Variants in USP6NL observed in about 807,000 individuals in gnomAD.
USP6NL encodes USP6 N-terminal-like protein.
A neutral mutation model predicts 61.9 loss-of-function variants in USP6NL; 26 were observed. The ratio of observed to expected loss-of-function variants is 0.42; its 90% confidence interval spans 0.31 to 0.58. The LOEUF (loss-of-function observed/expected upper bound fraction) is 0.58, where lower values mean the gene tolerates loss of function less well. Ranked by LOEUF, USP6NL falls within the 20% of genes least tolerant of loss-of-function variation. The pLI is 0.16. For missense variants in USP6NL, 1,114 were observed against 1,034.3 expected (o/e 1.08, Z -1.06); for synonymous variants, 432 against 390.1 (o/e 1.11, Z -1.27).
intron 4 of USP6NL, among the ~76,000 whole-genome samples, chr10:11,523,108 T>C (rs763696465): frequency 6.6e-6 from 1 of 152,266 alleles, no homozygotes; most frequent in Non-Finnish European, 1.5e-5. Context: ...TTTGCACTTT[T>C]TCCCCACTAG....
Position 11,496,467 on chromosome 10 carries a change from T to C in USP6NL, c.385-3239A>G, listed in dbSNP as rs1275869362. Among the ~76,000 whole-genome samples the C allele has an allele frequency of 6.6e-6, 1 of 152,220 alleles. No individual in the cohort carries two copies. Among genetic ancestry groups the C allele is most frequent in the Non-Finnish European group, 1.5e-5 (1 of 68,032 alleles). Reference sequence around the variant, plus strand: ...CCAAAACTGGTAGCTGTTAAGCATCTCCCATTTTCTTATTTCTGTGGGTTT... The same window carrying C: ...CCAAAACTGGTAGCTGTTAAGCATCCCCCATTTTCTTATTTCTGTGGGTTT... On this transcript the variant is annotated intron_variant, in intron 7 of 14. Coordinates refer to ENST00000609104, the MANE Select transcript of USP6NL (RefSeq NM_014688.5). This position sits in a 1 kb window ranked among gnomAD's most constrained non-coding sequence, Gnocchi z 5.4.
rs1838002245 is a variant in USP6NL at position 11,587,190 on chromosome 10, T to C, written c.4+10441A>G. On this transcript the variant is annotated intron_variant, in intron 2 of 14. Coordinates refer to ENST00000609104, the MANE Select transcript of USP6NL (RefSeq NM_014688.5). This position sits in a 1 kb window ranked among gnomAD's most constrained non-coding sequence, Gnocchi z 4.5. ...TACATATGTAGGGGCTCATTAAGTA[T>C]CTGTTTATACTAAAATTAAAACAAT... Among the ~76,000 whole-genome samples, 1 of 152,232 alleles carries C rather than the reference T, an allele frequency of 6.6e-6. No homozygotes were observed. Among genetic ancestry groups the C allele is most frequent in the African/African-American group, 2.4e-5 (1 of 41,452 alleles).
At chr10:11,567,875 C>A (rs1236622310) in intron 2 of USP6NL, among the ~76,000 whole-genome samples, 3 of 152,144 alleles carry the variant, frequency 2.0e-5, no homozygotes, top group Non-Finnish European at 2.9e-5. Flanking sequence ...GATAAAGAAT[C>A]TAGTGTACAG....
Position 11,465,654 on chromosome 10 carries a change from G to A in USP6NL, c.1079-1805C>T, listed in dbSNP as rs1832419707. 6.6e-6 allele frequency among the ~76,000 whole-genome samples: 1 copy of A among 152,188 alleles called. No homozygotes were observed. Among genetic ancestry groups the A allele is most frequent in the Non-Finnish European group, 1.5e-5 (1 of 68,038 alleles). On this transcript the variant is annotated intron_variant, in intron 14 of 14. Coordinates refer to ENST00000609104, the MANE Select transcript of USP6NL (RefSeq NM_014688.5). The surrounding 1 kb of genome is among the most constrained non-coding windows in gnomAD (Gnocchi z 4.5). ...GTACGTGCTCTCCCCACACCGTGCT[G>A]GCAGCGGAAGCACCCAAGCTGCTCT... is the stretch of plus-strand genomic sequence containing the variant.
At chr10:11,608,060 T>C (rs934747461) in intron 1 of USP6NL, among the ~76,000 whole-genome samples, 6 of 152,196 alleles carry the variant, frequency 3.9e-5, no homozygotes. Flanking sequence ...ATTTGTATTT[T>C]AGGGTGGATT....
At chr10:11,502,857 T>C (rs776281191) in intron 6 of USP6NL, among the ~76,000 whole-genome samples, 2 of 152,196 alleles carry the variant, frequency 1.3e-5, no homozygotes, top group Non-Finnish European at 2.9e-5. Context: ...TTTCAGTAGA[T>C]AGTGACTACA....
intron 2 of USP6NL, among the ~76,000 whole-genome samples, chr10:11,571,523 G>C (rs17150565): frequency 0.029 from 4,333 of 151,874 alleles, 149 homozygotes; most frequent in African/African-American, 0.083. Context: ...GATACTTCTA[G>C]GATAATTTTC....
At chr10:11,469,251 C>T (rs1832620344) in intron 14 of USP6NL, among the ~76,000 whole-genome samples, 1 of 152,204 alleles carries the variant, frequency 6.6e-6, no homozygotes, top group Admixed American at 6.5e-5. Context: ...CTATAACCTA[C>T]TTACTTCTTT....
In USP6NL at chr10:11,489,184, A is replaced by C. The variant is rs905395777; in HGVS notation, c.582T>G (p.Ala194=). 3.1e-6 allele frequency: 5 copies of C among 1,613,858 alleles called. No homozygotes were observed. In the African/African-American group the frequency reaches 6.7e-5, roughly 22 times the overall value. ...GYCQGMSQIT[A]LLLMYMNEED... ...CCTCGTTCATATACATGAGGAGTAAAGCTGTGATCTGGCTCATCCCCTGAC... is the reference window on the plus strand; with the variant it reads ...CCTCGTTCATATACATGAGGAGTAACGCTGTGATCTGGCTCATCCCCTGAC... The change falls in exon 10 of 15, where the codon GCT becomes GCG. Residue 194 remains alanine (A), a synonymous_variant. Transcript: ENST00000609104. This position sits in a 1 kb window ranked among gnomAD's most constrained non-coding sequence, Gnocchi z 5.7.
chr10:11,477,427 G>A (rs1833015444), intron 14 of USP6NL, among the ~76,000 whole-genome samples: 1 of 152,046 alleles, frequency 6.6e-6, no homozygotes, highest in African/African-American at 2.4e-5. Flanking sequence ...AGCTTTCTAG[G>A]AAAATATAAA....
Position 11,489,282 on chromosome 10 carries a change from C to G in USP6NL, c.544-60G>C, listed in dbSNP as rs151171048. The G allele has an allele frequency of 3.5e-4, 559 of 1,587,482 alleles. No homozygotes were observed. The African/African-American group carries it at 5.8e-3, about 16-fold the overall frequency. ...TTCAGTCGAATTACATGCATATGTA[C>G]AGAGAAAAAGCTACTCTATAAAAAC... On this transcript the variant is annotated intron_variant, in intron 9 of 14. Coordinates refer to ENST00000609104, the MANE Select transcript of USP6NL (RefSeq NM_014688.5). This position sits in a 1 kb window ranked among gnomAD's most constrained non-coding sequence, Gnocchi z 5.7.
rs1838558121 is a variant in USP6NL, at chr10:11,602,189, A to ACGTATT, written c.-83-4473_-83-4472insAATACG. Among the ~76,000 whole-genome samples the ACGTATT allele has an allele frequency of 6.6e-6, 1 of 152,204 alleles. No homozygotes were observed. Among genetic ancestry groups the ACGTATT allele is most frequent in the South Asian group, 2.1e-4 (1 of 4,834 alleles). On this transcript the variant is annotated intron_variant, in intron 1 of 14. Transcript: ENST00000609104. This position sits in a 1 kb window ranked among gnomAD's most constrained non-coding sequence, Gnocchi z 4.8. ...AAATTCAATGACAATGAATGAATAAACAACGAGCAACGTATTTAACGCAAC... is the reference window on the plus strand; with the variant it reads ...AAATTCAATGACAATGAATGAATAAACGTATTCAACGAGCAACGTATTTAACGCAAC...
In USP6NL at chr10:11,496,462, G is replaced by A. The variant is rs556506993; in HGVS notation, c.385-3234C>T. On this transcript the variant is annotated intron_variant, in intron 7 of 14. Transcript: ENST00000609104. The surrounding 1 kb of genome is among the most constrained non-coding windows in gnomAD (Gnocchi z 5.4). ...ATTTTCCAAAACTGGTAGCTGTTAA[G>A]CATCTCCCATTTTCTTATTTCTGTG... Among the ~76,000 whole-genome samples, 1 of 152,172 alleles carries A rather than the reference G, an allele frequency of 6.6e-6. No individual in the cohort carries two copies. Among genetic ancestry groups the A allele is most frequent in the Non-Finnish European group, 1.5e-5 (1 of 68,034 alleles).
At chr10:11,584,707 C>A (rs529141184) in intron 2 of USP6NL, among the ~76,000 whole-genome samples, 1 of 152,276 alleles carries the variant, frequency 6.6e-6, no homozygotes, top group East Asian at 1.9e-4. Context: ...GAGGCCGAGG[C>A]AGGCAGATCA....
chr10:11,564,637 G>C (rs1446074278), intron 2 of USP6NL: 1 of 152,168 alleles, frequency 6.6e-6, no homozygotes, highest in Non-Finnish European at 1.5e-5. Context: ...TACGCTGTAA[G>C]ATAATAAGTA....
rs577905839 is a variant in USP6NL, at chr10:11,511,429, T to C, written c.196-1754A>G. The stretch of plus-strand genomic sequence containing the variant: ...TGTGAAAAATTAAGATTGATCTAAA[T>C]TGCCATTTGGTATTTTTTGTTCTTC... On this transcript the variant is annotated intron_variant, in intron 5 of 14. Coordinates refer to ENST00000609104, the MANE Select transcript of USP6NL (RefSeq NM_014688.5). This position sits in a 1 kb window ranked among gnomAD's most constrained non-coding sequence, Gnocchi z 4.9. Among the ~76,000 whole-genome samples, 5 of 152,312 alleles carry C rather than the reference T, an allele frequency of 3.3e-5. No individual in the cohort carries two copies. The highest frequency in any genetic ancestry group is 9.6e-5 in the African/African-American group (4 of 41,580).
At chr10:11,551,887 A>G (rs1007196069) in intron 2 of USP6NL, among the ~76,000 whole-genome samples, 3 of 152,208 alleles carry the variant, frequency 2.0e-5, no homozygotes, top group Non-Finnish European at 4.4e-5. Context: ...TGTTTTGTTA[A>G]GCAGAGACAG....
Position 11,476,627 on chromosome 10 carries a change from A to C in USP6NL, c.1078+5143T>G, listed in dbSNP as rs1024691844. Among the ~76,000 whole-genome samples the C allele has an allele frequency of 1.3e-5, 2 of 152,286 alleles. No homozygotes were observed. The highest frequency in any genetic ancestry group is 2.9e-5 in the Non-Finnish European group (2 of 68,022). On this transcript the variant is annotated intron_variant, in intron 14 of 14. Transcript: ENST00000609104. This position sits in a 1 kb window ranked among gnomAD's most constrained non-coding sequence, Gnocchi z 4.3. ...TTTCTCTGTATTTTTGATAGTTTTC[A>C]TAAGTAAAATAAAAGATGCCAAACC...
Position 11,483,442 on chromosome 10 carries a change from T to G in USP6NL, c.926-1520A>C, listed in dbSNP as rs116054037. Reference sequence around the variant, plus strand: ...AATGTCTCTTAATAAAAACTGTACTTCTGTTCTCTATTTTGATCCCTTAAC... The same window carrying G: ...AATGTCTCTTAATAAAAACTGTACTGCTGTTCTCTATTTTGATCCCTTAAC... On this transcript the variant is annotated intron_variant, in intron 13 of 14. Transcript: ENST00000609104. 4.2e-3 allele frequency among the ~76,000 whole-genome samples: 586 copies of G among 139,718 alleles called. 2 individuals are homozygous for G. The highest frequency in any genetic ancestry group is 0.015 in the African/African-American group (561 of 36,688). The allele number at this position is 139,718 out of a possible 152,430, so 91.7% of individuals were successfully genotyped here.
Sources: gnomAD v4.1 joint callset for allele counts (sites outside exome capture counted in the v4.1 genomes callset) on GRCh38, gnomAD v4.1.1 for gene constraint, Gnocchi (gnomAD v3.1) non-coding constraint, MANE v1.5 for transcripts, NCBI Gene and HGNC (gene_info 2026-07-23, HGNC 2026-07-21) for gene names.